The following GRIA1 variants were observed in gnomAD, a reference collection of about 807,000 sequenced individuals.
The protein encoded by GRIA1 is glutamate ionotropic receptor AMPA type subunit 1.
GRIA1 carries 31 observed loss-of-function variants against 99.2 expected under a neutral mutation model. The observed-to-expected ratio is 0.31, with a 90% confidence interval of 0.23 to 0.42. The LOEUF (loss-of-function observed/expected upper bound fraction) is 0.42. Ranked by LOEUF, GRIA1 falls within the 10% of genes least tolerant of loss-of-function variation. GRIA1 has a pLI of 1.00. For synonymous variants in GRIA1, 438 were observed against 432.4 expected, an observed-to-expected ratio of 1.01 and a Z score of -0.16; for missense variants, 782 against 1,157.5, an observed-to-expected ratio of 0.68 and a Z score of 4.71.
At chr5:153,735,375 G>A (rs570098228) in intron 11 of GRIA1, among the ~76,000 whole-genome samples, 3 of 152,178 alleles carry the variant, frequency 2.0e-5, no homozygotes, top group Non-Finnish European at 4.4e-5. Context: ...GTCCACGTGA[G>A]AGAGTCATGA....
At chr5:153,770,048 C>A in intron 12 of GRIA1, 120 bp from the exon 13 acceptor site, 2 of 992,580 alleles carry the variant, frequency 2.0e-6, no homozygotes, top group Non-Finnish European at 1.5e-6. Context: ...TAATTTGTTT[C>A]TTCCTGAGCT....
At chr5:153,492,603 A>G (rs1449515396) in intron 1 of GRIA1, among the ~76,000 whole-genome samples, 1 of 152,184 alleles carries the variant, frequency 6.6e-6, no homozygotes, top group African/African-American at 2.4e-5. Context: ...TTGTGCTTAT[A>G]TACTACCTAT....
At chr5:153,796,750 A>G (rs1765670099) in intron 14 of GRIA1, among the ~76,000 whole-genome samples, 1 of 151,960 alleles carries the variant, frequency 6.6e-6, no homozygotes, top group Non-Finnish European at 1.5e-5. Context: ...AAAGCTGGGC[A>G]TGAATTCATG....
chr5:153,492,392 CCTTCT>C, intron 1 of GRIA1: 1 of 1,256,836 alleles, frequency 8.0e-7, no homozygotes. Flanking sequence ...CAGCCCGTAG[CCTTCT>C]ACTCCTCAAC....
At chr5:153,568,139 G>A (rs947194438) in intron 2 of GRIA1, among the ~76,000 whole-genome samples, 4 of 152,066 alleles carry the variant, frequency 2.6e-5, no homozygotes. Context: ...TATTAAACAC[G>A]GGTGACGAAG....
intron 2 of GRIA1, among the ~76,000 whole-genome samples, chr5:153,542,986 C>T (rs1488856407): frequency 1.3e-5 from 2 of 152,228 alleles, no homozygotes; most frequent in Admixed American, 6.5e-5. Context: ...GATAAAAATA[C>T]ACTTCTTAGA....
chr5:153,746,371 C>T (rs1762159572), intron 11 of GRIA1, among the ~76,000 whole-genome samples: 2 of 152,118 alleles, frequency 1.3e-5, no homozygotes, highest in African/African-American at 4.8e-5. Flanking sequence ...TAAAATCGCT[C>T]CTTTTAATAT....
chr5:153,490,229 G>A (rs1581117921), upstream of GRIA1: 1 of 181,766 alleles, frequency 5.5e-6, no homozygotes, highest in East Asian at 1.6e-4. Context: ...CAAGCAGCTG[G>A]TGGATTGAGG....
chr5:153,650,715 C>T (rs1390474989), intron 4 of GRIA1, among the ~76,000 whole-genome samples: 1 of 151,546 alleles, frequency 6.6e-6, no homozygotes, highest in Non-Finnish European at 1.5e-5. Flanking sequence ...TGACATAGGG[C>T]TTCAAATGGT....
chr5:153,728,263 C>T (rs1427813245), intron 11 of GRIA1, among the ~76,000 whole-genome samples: 3 of 151,600 alleles, frequency 2.0e-5, no homozygotes, highest in African/African-American at 7.3e-5. Context: ...AACGTTAGAC[C>T]TAAAACCATA....
chr5:153,496,135 A>G (rs189506145), intron 2 of GRIA1, among the ~76,000 whole-genome samples: 10 of 152,366 alleles, frequency 6.6e-5, no homozygotes, highest in Admixed American at 6.5e-4. Context: ...AAAAGGTTCT[A>G]AGGCAAAAGG....
intron 2 of GRIA1, among the ~76,000 whole-genome samples, chr5:153,640,977 C>G (rs1041556846): frequency 4.6e-5 from 7 of 152,018 alleles, no homozygotes; most frequent in African/African-American, 1.7e-4. Context: ...ATCTACGATA[C>G]AAGAGAATAT....
At chr5:153,581,841 C>A (rs1451922457) in intron 2 of GRIA1, among the ~76,000 whole-genome samples, 1 of 151,814 alleles carries the variant, frequency 6.6e-6, no homozygotes, top group East Asian at 1.9e-4. Context: ...ATCTCTGCTC[C>A]CTGCCTCCAA....
intron 11 of GRIA1, among the ~76,000 whole-genome samples, chr5:153,746,425 G>A (rs1384596296): frequency 5.9e-5 from 9 of 152,156 alleles, no homozygotes; most frequent in Admixed American, 4.6e-4. Flanking sequence ...AAGCAGAAGT[G>A]CATATTGTTA....
At chr5:153,601,807 C>G (rs1220218706) in intron 2 of GRIA1, among the ~76,000 whole-genome samples, 1 of 152,176 alleles carries the variant, frequency 6.6e-6, no homozygotes, top group East Asian at 1.9e-4. Context: ...AGATTGTTAT[C>G]AATTATGCTG....
At chr5:153,776,221 G>A (rs1764243782) in intron 13 of GRIA1, among the ~76,000 whole-genome samples, 2 of 152,244 alleles carry the variant, frequency 1.3e-5, no homozygotes, top group East Asian at 1.9e-4. Context: ...GAGTTACAAC[G>A]GGATGCAGAC....
chr5:153,776,202 T>G (rs1049257216), intron 13 of GRIA1, among the ~76,000 whole-genome samples: 1 of 152,124 alleles, frequency 6.6e-6, no homozygotes, highest in Admixed American at 6.6e-5. Flanking sequence ...AGATAATGAA[T>G]GTGGTCATGA....
At chr5:153,686,814 A>G (rs763345481) in intron 8 of GRIA1, among the ~76,000 whole-genome samples, 17 of 152,240 alleles carry the variant, frequency 1.1e-4, no homozygotes, top group South Asian at 2.1e-4. Flanking sequence ...ATATGTTTGC[A>G]TATGAAAATT....
intron 5 of GRIA1, among the ~76,000 whole-genome samples, chr5:153,658,371 A>G (rs1027110616): frequency 1.3e-5 from 2 of 152,166 alleles, no homozygotes; most frequent in East Asian, 3.9e-4. Flanking sequence ...CAGTCACAGC[A>G]TCACCAAGTC....
Sources: gnomAD v4.1 joint callset for allele counts (sites outside exome capture counted in the v4.1 genomes callset) on GRCh38, gnomAD v4.1.1 for gene constraint, MANE v1.5 for transcripts, NCBI Gene and HGNC (gene_info 2026-07-23, HGNC 2026-07-21) for gene names.